RBFOX1: variants seen among roughly 807,000 people sequenced by gnomAD.
RBFOX1 encodes RNA binding fox-1 homolog 1, also known as RNA binding protein fox-1 homolog 1.
Under a neutral mutation model 57.7 loss-of-function variants are expected in RBFOX1, and 8 were observed. The ratio of observed to expected loss-of-function variants is 0.14; its 90% CI spans 0.08 to 0.25. The LOEUF (loss-of-function observed/expected upper bound fraction) is 0.25, where lower values mean the gene tolerates loss of function less well. Ranked by LOEUF, RBFOX1 falls within the 10% of genes least tolerant of loss-of-function variation. The pLI is 1.00. For synonymous variants in RBFOX1, 326 were observed against 222.4 expected (o/e 1.47, Z -4.15); for missense variants, 611 against 548.5 (o/e 1.11, Z -1.14).
At chr16:6,268,181 C>T (rs2074764227) in intron 1 of RBFOX1, among the ~76,000 whole-genome samples, 1 of 152,126 alleles carries the variant, frequency 6.6e-6, no homozygotes, top group Non-Finnish European at 1.5e-5. Flanking sequence ...AACGTTATGC[C>T]TTTTGTGACA....
At chr16:5,692,236 T>G (rs1448486853) in intron 3 of RBFOX1, among the ~76,000 whole-genome samples, 1 of 150,734 alleles carries the variant, frequency 6.6e-6, no homozygotes, top group African/African-American at 2.4e-5. Flanking sequence ...TGCTAGCAGA[T>G]GCACAGAAGC....
chr16:6,612,311 G>A (rs1291864278), intron 2 of RBFOX1, among the ~76,000 whole-genome samples: 3 of 152,060 alleles, frequency 2.0e-5, no homozygotes, highest in Admixed American at 1.3e-4. Context: ...CCAACTTTGG[G>A]ATGATATTAC....
chr16:7,083,175 C>A (rs978571034), intron 4 of RBFOX1, among the ~76,000 whole-genome samples: 1 of 152,104 alleles, frequency 6.6e-6, no homozygotes, highest in Non-Finnish European at 1.5e-5. Flanking sequence ...TTTGCTGACA[C>A]CCCCCGAGGG....
At chr16:5,407,791 C>A (rs1352165808) in intron 1 of RBFOX1, among the ~76,000 whole-genome samples, 1 of 152,174 alleles carries the variant, frequency 6.6e-6, no homozygotes, top group Non-Finnish European at 1.5e-5. Flanking sequence ...TCAAACGATC[C>A]AACTGCCCCG....
chr16:6,900,280 C>G (rs147873312), intron 3 of RBFOX1, among the ~76,000 whole-genome samples: 1 of 152,164 alleles, frequency 6.6e-6, no homozygotes, highest in Non-Finnish European at 1.5e-5. Flanking sequence ...ATGTGTATTT[C>G]TCTGTAGTTC....
chr16:7,137,205 T>C (rs1033871213), intron 4 of RBFOX1, among the ~76,000 whole-genome samples: 2 of 152,188 alleles, frequency 1.3e-5, no homozygotes, highest in African/African-American at 2.4e-5. Context: ...AGCTGGACTC[T>C]TCTGGTGCAC....
At position 6,881,507 on chromosome 16, in the gene RBFOX1, A is replaced by G. The variant is rs538294156; in HGVS notation, c.-15-170550A>G. ...GGTCAGCTACATAGAGAGCCTGTGT[A>G]TCTTTACATCATCTTCCGTCTATGC... On this transcript the variant is annotated intron_variant, in intron 3 of 15. Coordinates refer to ENST00000550418, the MANE Select transcript of RBFOX1 (RefSeq NM_018723.4). Among the ~76,000 whole-genome samples, 83 of 152,292 alleles carry G rather than the reference A, an allele frequency of 5.5e-4. 1 individual carries two copies. In the East Asian group the frequency reaches 0.013, roughly 23 times the overall value.
chr16:6,017,819 A>T (rs146848493), upstream of RBFOX1, among the ~76,000 whole-genome samples: 446 of 152,316 alleles, frequency 2.9e-3, 4 homozygotes, highest in African/African-American at 0.01. Flanking sequence ...ATACACGTAC[A>T]TCTAGTACAA....
chr16:5,800,208 C>G (rs907042405), intron 3 of RBFOX1, among the ~76,000 whole-genome samples: 1 of 152,130 alleles, frequency 6.6e-6, no homozygotes, highest in East Asian at 1.9e-4. Flanking sequence ...GAAGTATACA[C>G]CCAAGGGCCA....
intron 8 of RBFOX1, among the ~76,000 whole-genome samples, chr16:7,596,696 C>G (rs2094718257): frequency 6.6e-6 from 1 of 152,110 alleles, no homozygotes; most frequent in African/African-American, 2.4e-5. Context: ...TCTAAGCTAG[C>G]CTGGGAGGCA....
intron 4 of RBFOX1, among the ~76,000 whole-genome samples, chr16:7,493,478 A>G (rs973782736): frequency 1.3e-5 from 2 of 152,232 alleles, no homozygotes; most frequent in Non-Finnish European, 2.9e-5. Flanking sequence ...GATTTAAGTA[A>G]GGAGAATTAT....
chr16:6,862,594 A>G (rs113583506), intron 3 of RBFOX1, among the ~76,000 whole-genome samples: 2,556 of 152,306 alleles, frequency 0.017, 32 homozygotes, highest in Non-Finnish European at 0.029. Flanking sequence ...AGTTCATGTT[A>G]CAGGCAGAGG....
intron 3 of RBFOX1, among the ~76,000 whole-genome samples, chr16:5,759,105 A>G (rs1018405508): frequency 6.6e-6 from 1 of 152,160 alleles, no homozygotes; most frequent in South Asian, 2.1e-4. Context: ...TCTGAAGAAC[A>G]TGCTTCCTTT....
chr16:6,550,382 G>T (rs1567647324), intron 2 of RBFOX1, among the ~76,000 whole-genome samples: 1 of 152,122 alleles, frequency 6.6e-6, no homozygotes, highest in Non-Finnish European at 1.5e-5. Context: ...TCACCATGTT[G>T]ACCAGGCTGG....
chr16:6,392,653 T>C (rs2092657531), intron 2 of RBFOX1, among the ~76,000 whole-genome samples: 1 of 152,200 alleles, frequency 6.6e-6, no homozygotes, highest in South Asian at 2.1e-4. Flanking sequence ...TAGACCCCCC[T>C]AATGGGATGC....
At chr16:5,567,740 A>G (rs1028914467) in intron 2 of RBFOX1, among the ~76,000 whole-genome samples, 1 of 151,706 alleles carries the variant, frequency 6.6e-6, no homozygotes, top group South Asian at 2.1e-4. Context: ...CACCATCAAC[A>G]TTGTCATTAC....
chr16:5,855,737 G>C (rs939389755), intron 3 of RBFOX1, among the ~76,000 whole-genome samples: 42 of 151,908 alleles, frequency 2.8e-4, no homozygotes, highest in African/African-American at 9.9e-4. Context: ...GAATTTTAGG[G>C]TTGTTTTTTC....
chr16:6,225,680 T>C (rs1005251261), intron 1 of RBFOX1, among the ~76,000 whole-genome samples: 7 of 152,206 alleles, frequency 4.6e-5, no homozygotes, highest in African/African-American at 1.7e-4. Flanking sequence ...AGGCATAAAA[T>C]GTAATACCCT....
chr16:7,579,852 C>T lies in RBFOX1; in HGVS notation c.346C>T (p.Pro116Ser). The change falls in exon 6 of 16, where the codon CCC becomes TCC. Residue 116 changes from proline to serine, a missense_variant. Coordinates refer to ENST00000550418, the MANE Select transcript of RBFOX1 (RefSeq NM_018723.4). ...TGAAAACACGGAAAACAAGTCTCAG[C>T]CCAAGCGGCTGCATGTCTCCAATAT... ...PSENTENKSQ[P>S]KRLHVSNIPF... 3.7e-6 allele frequency: 6 copies of T among 1,614,138 alleles called. No individual in the cohort carries two copies. Among genetic ancestry groups the T allele is most frequent in the African/African-American group, 1.3e-5 (1 of 75,052 alleles).
Sources: allele counts gnomAD v4.1 joint callset (sites outside exome capture counted in the v4.1 genomes callset), GRCh38; gene constraint gnomAD v4.1.1; transcripts MANE v1.5; gene names NCBI Gene and HGNC (gene_info 2026-07-23, HGNC 2026-07-21).